AUH: variants seen among roughly 807,000 people sequenced by gnomAD.
AUH encodes the protein AU RNA binding methylglutaconyl-CoA hydratase, also known as methylglutaconyl-CoA hydratase, mitochondrial.
AUH carries 29 observed loss-of-function variants against 42.3 expected under a neutral mutation model. That is an observed-to-expected ratio of 0.69 (90% CI 0.51 to 0.93). The LOEUF (loss-of-function observed/expected upper bound fraction) is 0.93. AUH is among the 40% of genes least tolerant of loss of function. AUH has a pLI of 0.00. For missense variants in AUH, 452 were observed against 438.1 expected, an observed-to-expected ratio of 1.03 and a Z score of -0.28; for synonymous variants, 174 against 166.4, an observed-to-expected ratio of 1.05 and a Z score of -0.35.
intron 6 of AUH, among the ~76,000 whole-genome samples, chr9:91,251,738 TA>T (rs1419462741): frequency 2.0e-5 from 3 of 152,210 alleles, no homozygotes; most frequent in South Asian, 4.1e-4. Flanking sequence ...ACTCTTCGGA[TA>T]AATTCTTATA....
intron 6 of AUH, among the ~76,000 whole-genome samples, chr9:91,234,763 G>A (rs535265527): frequency 6.6e-6 from 1 of 150,614 alleles, no homozygotes; most frequent in South Asian, 2.2e-4. Context: ...AAGACAAATG[G>A]CAAGAAGCAA....
At chr9:91,320,674 A>C (rs1337555635) in intron 4 of AUH, among the ~76,000 whole-genome samples, 1 of 152,178 alleles carries the variant, frequency 6.6e-6, no homozygotes, top group Non-Finnish European at 1.5e-5. Flanking sequence ...ATTTGGCTGA[A>C]GTTTTTCTTT....
chr9:91,292,469 G>C (rs1826987202), intron 6 of AUH, among the ~76,000 whole-genome samples: 1 of 151,794 alleles, frequency 6.6e-6, no homozygotes, highest in Non-Finnish European at 1.5e-5. Context: ...AGTAGAGACG[G>C]GGTTTCACCA....
chr9:91,315,026 C>T (rs1029448102), intron 4 of AUH, among the ~76,000 whole-genome samples: 2 of 152,174 alleles, frequency 1.3e-5, no homozygotes, highest in Non-Finnish European at 2.9e-5. Context: ...CAGGTTCAAA[C>T]GATTCTCGTG....
intron 6 of AUH, among the ~76,000 whole-genome samples, chr9:91,223,572 G>C (rs1484966019): frequency 1.3e-5 from 2 of 152,150 alleles, no homozygotes; most frequent in African/African-American, 4.8e-5. Context: ...TTTCAATTCT[G>C]CTTTCAATAT....
At chr9:91,259,909 G>A (rs1276445891) in intron 6 of AUH, among the ~76,000 whole-genome samples, 1 of 152,086 alleles carries the variant, frequency 6.6e-6, no homozygotes, top group Non-Finnish European at 1.5e-5. Flanking sequence ...CTCCGAAAAT[G>A]TTAGGTCAAA....
chr9:91,281,789 C>A (rs898035495), intron 6 of AUH, among the ~76,000 whole-genome samples: 6 of 152,106 alleles, frequency 3.9e-5, no homozygotes, highest in African/African-American at 1.4e-4. Flanking sequence ...CTAAACCATA[C>A]CCCACTACTT....
At chr9:91,261,488 G>A (rs1191448190) in intron 6 of AUH, among the ~76,000 whole-genome samples, 1 of 152,028 alleles carries the variant, frequency 6.6e-6, no homozygotes, top group African/African-American at 2.4e-5. Context: ...TCTGCTTACA[G>A]TTCTCTTTCT....
intron 3 of AUH, among the ~76,000 whole-genome samples, chr9:91,344,906 T>C (rs528745311): frequency 2.6e-5 from 4 of 152,174 alleles, no homozygotes; most frequent in Non-Finnish European, 5.9e-5. Flanking sequence ...TTGTTAATAA[T>C]TGATAATCAA....
At chr9:91,297,408 T>G (rs1252067258) in intron 5 of AUH, among the ~76,000 whole-genome samples, 1 of 152,172 alleles carries the variant, frequency 6.6e-6, no homozygotes, top group East Asian at 1.9e-4. Flanking sequence ...AGGAAGAAAG[T>G]GGACTTCAAG....
chr9:91,235,853 T>C (rs1346964051), intron 6 of AUH, among the ~76,000 whole-genome samples: 1 of 152,170 alleles, frequency 6.6e-6, no homozygotes. Flanking sequence ...ATGTGATACT[T>C]AGAGCTATGG....
intron 6 of AUH, among the ~76,000 whole-genome samples, chr9:91,267,534 C>T (rs1262860622): frequency 2.0e-5 from 3 of 152,084 alleles, no homozygotes; most frequent in Non-Finnish European, 4.4e-5. Context: ...CACTTTTATT[C>T]CTTTGGGCCG....
intron 6 of AUH, among the ~76,000 whole-genome samples, chr9:91,236,739 C>T (rs1828208162): frequency 6.6e-6 from 1 of 152,108 alleles, no homozygotes. Flanking sequence ...AAATTCAGCT[C>T]ATGGACAGTA....
At chr9:91,284,406 A>ATTTC (rs2131584660) in intron 6 of AUH, among the ~76,000 whole-genome samples, 1 of 152,344 alleles carries the variant, frequency 6.6e-6, no homozygotes, top group African/African-American at 2.4e-5. Context: ...GGCATGGGAA[A>ATTTC]GGATGTCATG....
At chr9:91,326,972 ACTCAT>A (rs1049031644) in intron 3 of AUH, among the ~76,000 whole-genome samples, 1 of 152,054 alleles carries the variant, frequency 6.6e-6, no homozygotes, top group African/African-American at 2.4e-5. Flanking sequence ...ATTTATGACC[ACTCAT>A]CTCAAGTGGG....
intron 9 of AUH, among the ~76,000 whole-genome samples, chr9:91,215,555 CA>C (rs1469650266): frequency 6.6e-6 from 1 of 151,948 alleles, no homozygotes; most frequent in Non-Finnish European, 1.5e-5. Context: ...TTTCAATTTA[CA>C]CTTGGTTGAA....
At chr9:91,283,977 GA>G (rs1013833419) in intron 6 of AUH, among the ~76,000 whole-genome samples, 28 of 141,144 alleles carry the variant, frequency 2.0e-4, no homozygotes, top group South Asian at 4.8e-4. Flanking sequence ...AGTTCATATG[GA>G]AAAAAAAAAA....
At chr9:91,318,176 G>A (rs1196548698) in intron 4 of AUH, among the ~76,000 whole-genome samples, 2 of 152,008 alleles carry the variant, frequency 1.3e-5, no homozygotes, top group East Asian at 4.1e-4. Flanking sequence ...TATGCATTGG[G>A]TAAAACATCT....
At chr9:91,226,751 G>C (rs1827515682) in intron 6 of AUH, among the ~76,000 whole-genome samples, 1 of 119,672 alleles carries the variant, frequency 8.4e-6, no homozygotes, top group South Asian at 3.4e-4. Flanking sequence ...AAGGGATCCA[G>C]TTTCAGCTTT....
Sources: allele counts gnomAD v4.1 joint callset (sites outside exome capture counted in the v4.1 genomes callset), GRCh38; gene constraint gnomAD v4.1.1; transcripts MANE v1.5; gene names NCBI Gene and HGNC (gene_info 2026-07-23, HGNC 2026-07-21).